SVIL: variants seen among roughly 807,000 people sequenced by gnomAD.
The protein encoded by SVIL is archvillin.
A neutral mutation model predicts 240.4 loss-of-function variants in SVIL; 101 were observed. That is an observed-to-expected ratio of 0.42 (90% CI 0.36 to 0.50). The LOEUF (loss-of-function observed/expected upper bound fraction) is 0.50. Among genes scored for constraint, SVIL ranks in the 20% least tolerant of loss-of-function variants. The pLI is 0.01. For missense variants in SVIL, 2,512 were observed against 2,818.7 expected, an observed-to-expected ratio of 0.89 and a Z score of 2.46; for synonymous variants, 999 against 1,100.0, an observed-to-expected ratio of 0.91 and a Z score of 1.82.
At chr10:29,576,982 G>C (rs1955726209) in intron 1 of SVIL, among the ~76,000 whole-genome samples, 1 of 152,164 alleles carries the variant, frequency 6.6e-6, no homozygotes, top group African/African-American at 2.4e-5. Flanking sequence ...CTGGATTCAA[G>C]CGATTCCCCT....
chr10:29,608,907 C>G (rs987150038), intron 1 of SVIL, among the ~76,000 whole-genome samples: 6 of 152,218 alleles, frequency 3.9e-5, no homozygotes, highest in Non-Finnish European at 8.8e-5. Flanking sequence ...AGTCCGCAAC[C>G]TGGAGTGAGA....
intron 3 of SVIL, among the ~76,000 whole-genome samples, chr10:29,653,500 G>T (rs1418469524): frequency 3.3e-5 from 5 of 152,098 alleles, no homozygotes; most frequent in African/African-American, 1.2e-4. Context: ...TGCGAGAATG[G>T]ACTAATGCAT....
At position 29,481,635 on chromosome 10, in the gene SVIL, C is replaced by G; in HGVS notation, c.5049G>C (p.Thr1683=). Residue 1683 remains threonine (T), a synonymous_variant, in exon 28 of 38, where the codon ACG becomes ACC. Coordinates refer to ENST00000355867, the MANE Select transcript of SVIL (RefSeq NM_021738.3). ...TCTTCTCATTCGATCTCTTCAGTTC[C>G]GTCCAATCCAGAAACTTCTCTTTGA... ...ILFKEKFLDW[T]ELKRSNEKNP... 1 of 1,614,078 alleles carries G rather than the reference C, an allele frequency of 6.2e-7. No individual in the cohort carries two copies. Among genetic ancestry groups the G allele is most frequent in the Non-Finnish European group, 8.5e-7 (1 of 1,180,026 alleles).
intron 2 of SVIL, among the ~76,000 whole-genome samples, chr10:29,680,032 A>T (rs1165839892): frequency 2.6e-5 from 4 of 152,108 alleles, no homozygotes; most frequent in Non-Finnish European, 4.4e-5. Flanking sequence ...ATAAAAAATT[A>T]AAAATTACCC....
chr10:29,672,726 G>T (rs1378373821), intron 2 of SVIL, among the ~76,000 whole-genome samples: 2 of 151,498 alleles, frequency 1.3e-5, no homozygotes, highest in Non-Finnish European at 2.9e-5. Context: ...AGAGTGGGAA[G>T]TTCCTTCCTC....
intron 1 of SVIL, among the ~76,000 whole-genome samples, chr10:29,713,797 C>G (rs774706042): frequency 1.1e-4 from 16 of 152,220 alleles, no homozygotes; most frequent in Non-Finnish European, 1.9e-4. Flanking sequence ...ATACTTGAAG[C>G]TTTTCCTCCA....
chr10:29,580,199 T>C (rs1955880281), intron 1 of SVIL, among the ~76,000 whole-genome samples: 1 of 151,822 alleles, frequency 6.6e-6, no homozygotes, highest in African/African-American at 2.4e-5. Flanking sequence ...TAGCTGGGCA[T>C]GGTGGCACAT....
At chr10:29,462,436 CAGG>C in intron 35 of SVIL, 35 bp from the exon 36 acceptor site, 1 of 1,596,414 alleles carries the variant, frequency 6.3e-7, no homozygotes, top group South Asian at 1.1e-5. Flanking sequence ...CAGTAGACCC[CAGG>C]GAGACCCTGT....
intron 3 of SVIL, among the ~76,000 whole-genome samples, chr10:29,556,317 T>C (rs1282835033): frequency 6.6e-6 from 1 of 152,250 alleles, no homozygotes; most frequent in South Asian, 2.1e-4. Flanking sequence ...CCAGGGCCAA[T>C]GAAAAGTTTT....
At chr10:29,459,269 C>T (rs565859650) in intron 36 of SVIL, among the ~76,000 whole-genome samples, 25 of 152,272 alleles carry the variant, frequency 1.6e-4, no homozygotes, top group South Asian at 1.2e-3. Context: ...TGCCACCACG[C>T]GCACCTAATA....
intron 35 of SVIL, 117 bp downstream of exon 35, chr10:29,463,375 C>T (rs899949247): frequency 1.5e-6 from 2 of 1,352,004 alleles, no homozygotes; most frequent in African/African-American, 1.5e-5. Context: ...ACCTGCCAGG[C>T]TTTATGGATG....
chr10:29,546,349 T>G (rs1274921696), intron 6 of SVIL, among the ~76,000 whole-genome samples: 1 of 152,202 alleles, frequency 6.6e-6, no homozygotes, highest in Admixed American at 6.5e-5. Context: ...ACTTCACCTA[T>G]TTCGTTACTA....
chr10:29,559,590 TCGATGGTC>T (rs1462572556), intron 3 of SVIL, among the ~76,000 whole-genome samples: 1 of 152,250 alleles, frequency 6.6e-6, no homozygotes, highest in African/African-American at 2.4e-5. Flanking sequence ...TAAATAAACA[TCGATGGTC>T]TAATTTCCAT....
chr10:29,558,820 C>T (rs912005669), intron 3 of SVIL, among the ~76,000 whole-genome samples: 4 of 150,748 alleles, frequency 2.7e-5, no homozygotes, highest in African/African-American at 4.9e-5. Context: ...CCCAGCTACA[C>T]GGGAGGCTGA....
At chr10:29,621,933 A>G (rs2132915714) in intron 1 of SVIL, among the ~76,000 whole-genome samples, 1 of 152,254 alleles carries the variant, frequency 6.6e-6, no homozygotes, top group South Asian at 2.1e-4. Context: ...CACAAACATC[A>G]GTGACTTGGG....
chr10:29,649,139 G>A (rs1425437241), intron 3 of SVIL, among the ~76,000 whole-genome samples: 2 of 152,116 alleles, frequency 1.3e-5, no homozygotes, highest in Non-Finnish European at 2.9e-5. Flanking sequence ...CAGGCTGGGT[G>A]ACAGAGCGAG....
At chr10:29,597,889 A>G (rs945723940) in intron 1 of SVIL, among the ~76,000 whole-genome samples, 4 of 152,038 alleles carry the variant, frequency 2.6e-5, no homozygotes, top group Non-Finnish European at 4.4e-5. Flanking sequence ...GCAAGGTTAA[A>G]ACAACAGGGC....
intron 17 of SVIL, among the ~76,000 whole-genome samples, chr10:29,503,986 G>C (rs950278412): frequency 1.3e-5 from 2 of 152,202 alleles, no homozygotes; most frequent in African/African-American, 2.4e-5. Context: ...GTGTGGTATT[G>C]ATGAAAGAAC....
chr10:29,540,914 G>A (rs1432696541), intron 6 of SVIL, among the ~76,000 whole-genome samples: 3 of 152,174 alleles, frequency 2.0e-5, no homozygotes, highest in East Asian at 3.9e-4. Context: ...TTGGAGCAGC[G>A]CAGCCTGATC....
Sources: gnomAD v4.1 joint callset for allele counts (sites outside exome capture counted in the v4.1 genomes callset) on GRCh38, gnomAD v4.1.1 for gene constraint, MANE v1.5 for transcripts, NCBI Gene and HGNC (gene_info 2026-07-23, HGNC 2026-07-21) for gene names.